ALK: variants seen among roughly 807,000 people sequenced by gnomAD.
ALK encodes ALK tyrosine kinase receptor.
Under a neutral mutation model 163.1 loss-of-function variants are expected in ALK, and 74 were observed. That is an observed-to-expected ratio of 0.45 (90% CI 0.38 to 0.55). The LOEUF is 0.55. Among genes scored for constraint, ALK ranks in the 20% least tolerant of loss-of-function variants. ALK has a pLI of 0.00. For synonymous variants in ALK, 960 were observed against 843.2 expected (o/e 1.14, Z -2.40); for missense variants, 2,063 against 2,105.3 (o/e 0.98, Z 0.39).
At chr2:29,786,985 C>T (rs1240140659) in intron 1 of ALK, among the ~76,000 whole-genome samples, 17 of 152,234 alleles carry the variant, frequency 1.1e-4, no homozygotes, top group African/African-American at 4.1e-4. Context: ...TTAGTAAAGA[C>T]AGGGTTTCAC....
At chr2:29,555,281 T>C (rs1240179126) in intron 3 of ALK, among the ~76,000 whole-genome samples, 1 of 152,028 alleles carries the variant, frequency 6.6e-6, no homozygotes, top group Admixed American at 6.6e-5. Context: ...AATGTCCCCC[T>C]CACTGAGGCT....
chr2:29,679,080 TATCTC>T (rs1677982893), intron 3 of ALK, among the ~76,000 whole-genome samples: 1 of 151,948 alleles, frequency 6.6e-6, no homozygotes, highest in African/African-American at 2.4e-5. Flanking sequence ...TTATAATTGT[TATCTC>T]TTCCTGGTGA....
chr2:29,846,453 G>T (rs1558515835), intron 1 of ALK, among the ~76,000 whole-genome samples: 2 of 152,170 alleles, frequency 1.3e-5, no homozygotes, highest in African/African-American at 4.8e-5. Context: ...TTAGCTCCAT[G>T]AGAACAAGAC....
At chr2:29,195,101 T>G (rs1668991744) in intron 28 of ALK, among the ~76,000 whole-genome samples, 1 of 152,226 alleles carries the variant, frequency 6.6e-6, no homozygotes, top group Non-Finnish European at 1.5e-5. Context: ...TAAAACATTC[T>G]TTAGTTCCCT....
intron 4 of ALK, among the ~76,000 whole-genome samples, chr2:29,389,870 G>C (rs1669120110): frequency 6.6e-6 from 1 of 152,136 alleles, no homozygotes; most frequent in Non-Finnish European, 1.5e-5. Flanking sequence ...GAGCGAATCA[G>C]AAGGAACCGG....
chr2:29,232,692 T>A (rs960438045), intron 14 of ALK, among the ~76,000 whole-genome samples: 1 of 152,186 alleles, frequency 6.6e-6, no homozygotes, highest in African/African-American at 2.4e-5. Flanking sequence ...GAGCAAAATA[T>A]AGATACCAGG....
At chr2:29,278,810 G>A (rs1349363236) in intron 9 of ALK, among the ~76,000 whole-genome samples, 1 of 152,198 alleles carries the variant, frequency 6.6e-6, no homozygotes, top group East Asian at 1.9e-4. Context: ...GCACATCAGG[G>A]GGTGAGTGCC....
intron 4 of ALK, among the ~76,000 whole-genome samples, chr2:29,531,533 C>T (rs1242467640): frequency 6.6e-6 from 1 of 152,118 alleles, no homozygotes; most frequent in Non-Finnish European, 1.5e-5. Context: ...TCCCTTCCTG[C>T]CCAACTTCTG....
chr2:29,703,961 A>G (rs1041694369), intron 2 of ALK, among the ~76,000 whole-genome samples: 2 of 152,118 alleles, frequency 1.3e-5, no homozygotes, highest in Non-Finnish European at 2.9e-5. Flanking sequence ...GGAACACCAG[A>G]CGGGAGCTGG....
At chr2:29,408,095 T>C (rs5007230) in intron 4 of ALK, among the ~76,000 whole-genome samples, 59,174 of 148,008 alleles carry the variant, frequency 0.4, 12,944 homozygotes, top group East Asian at 0.69. Context: ...TTCTTTTTTT[T>C]TTTTTGAGAT....
At chr2:29,626,061 C>G (rs956806134) in intron 3 of ALK, among the ~76,000 whole-genome samples, 1 of 152,260 alleles carries the variant, frequency 6.6e-6, no homozygotes, top group Non-Finnish European at 1.5e-5. Context: ...AGAAGCCACA[C>G]AGGGCTCTAA....
chr2:29,330,876 A>G (rs1048831145), intron 5 of ALK, among the ~76,000 whole-genome samples: 5 of 152,232 alleles, frequency 3.3e-5, no homozygotes, highest in African/African-American at 1.2e-4. Flanking sequence ...TAAAGCCTCC[A>G]GGAGGAACCT....
At chr2:29,864,954 G>T (rs779278922) in intron 1 of ALK, among the ~76,000 whole-genome samples, 2 of 152,208 alleles carry the variant, frequency 1.3e-5, no homozygotes, top group Non-Finnish European at 2.9e-5. Flanking sequence ...AGATCAAGCA[G>T]GGCTGATATC....
intron 4 of ALK, among the ~76,000 whole-genome samples, chr2:29,435,544 C>A (rs1176501592): frequency 6.6e-6 from 1 of 151,882 alleles, no homozygotes; most frequent in Non-Finnish European, 1.5e-5. Flanking sequence ...CAAATATTAC[C>A]CCCTCTCCCA....
chr2:29,921,004 G>A lies in ALK; in HGVS notation c.-345C>T, dbSNP rs1667986601. The stretch of plus-strand genomic sequence containing the variant: ...ACAGAGGAACTACTATGGTTGAAGG[G>A]AGGTGGCAGTTGGGTACCGTCCTCT... On this transcript the variant is annotated 5_prime_UTR_variant, in exon 1 of 29. Transcript: ENST00000389048. The A allele has an allele frequency of 3.0e-6, 1 of 328,686 alleles. No individual in the cohort carries two copies. 20.4% of individuals were successfully genotyped at this position (328,686 alleles called of 1,614,324 possible).
At chr2:29,559,288 T>C (rs1483088858) in intron 3 of ALK, among the ~76,000 whole-genome samples, 3 of 152,182 alleles carry the variant, frequency 2.0e-5, no homozygotes, top group Non-Finnish European at 4.4e-5. Context: ...CAGAATTACA[T>C]CCAAGTCTGT....
intron 4 of ALK, among the ~76,000 whole-genome samples, chr2:29,439,657 C>T (rs955375449): frequency 6.8e-5 from 10 of 147,790 alleles, no homozygotes; most frequent in African/African-American, 2.3e-4. Flanking sequence ...AGGGTGGGCC[C>T]TGATCCAACG....
At chr2:29,429,722 A>T (rs1341488786) in intron 4 of ALK, among the ~76,000 whole-genome samples, 2 of 152,104 alleles carry the variant, frequency 1.3e-5, no homozygotes, top group African/African-American at 4.8e-5. Context: ...ATAAATTGAC[A>T]AACTGATCCT....
chr2:29,315,404 G>A (rs920300270), intron 8 of ALK, among the ~76,000 whole-genome samples: 3 of 152,044 alleles, frequency 2.0e-5, no homozygotes, highest in African/African-American at 4.8e-5. Context: ...CTTCTCCCCC[G>A]CCTCCATCAT....
Sources: allele counts gnomAD v4.1 joint callset (sites outside exome capture counted in the v4.1 genomes callset), GRCh38; gene constraint gnomAD v4.1.1; transcripts MANE v1.5; gene names NCBI Gene and HGNC (gene_info 2026-07-23, HGNC 2026-07-21).